SND1: variants seen among roughly 807,000 people sequenced by gnomAD.
SND1 encodes staphylococcal nuclease domain-containing protein 1.
Under a neutral mutation model 121.7 loss-of-function variants are expected in SND1, and 38 were observed. That is an observed-to-expected ratio of 0.31 (90% CI 0.24 to 0.41). The LOEUF is 0.41. Ranked by LOEUF, SND1 falls within the 10% of genes least tolerant of loss-of-function variation. SND1 has a pLI of 1.00. For synonymous variants in SND1, 401 were observed against 447.4 expected (o/e 0.90, Z 1.31); for missense variants, 868 against 1,184.6 (o/e 0.73, Z 3.92).
intron 16 of SND1, among the ~76,000 whole-genome samples, chr7:128,002,194 C>T (rs1037159098): frequency 3.9e-5 from 6 of 152,324 alleles, no homozygotes; most frequent in Middle Eastern, 3.4e-3. Flanking sequence ...AGTCAGTCAC[C>T]GCGCTGCTTT....
At chr7:127,842,130 A>T (rs887229626) in intron 11 of SND1, among the ~76,000 whole-genome samples, 3 of 152,178 alleles carry the variant, frequency 2.0e-5, no homozygotes, top group African/African-American at 7.2e-5. Context: ...GTTTGAAAGG[A>T]TTTTAACGGT....
chr7:128,081,036 G>A lies in SND1; in HGVS notation c.1969-324G>A, dbSNP rs1032454046. Among the ~76,000 whole-genome samples the A allele has an allele frequency of 5.7e-4, 86 of 151,260 alleles. 1 individual carries two copies. The highest frequency in any genetic ancestry group is 7.4e-5 in the Non-Finnish European group (5 of 67,896). Reference sequence around the variant, plus strand: ...TTTTGAGACGGAGTCTTGCACTGTCGCCCAGGCTGGAGTGCAGTGGCATGA... The same window carrying A: ...TTTTGAGACGGAGTCTTGCACTGTCACCCAGGCTGGAGTGCAGTGGCATGA... On this transcript the variant is annotated intron_variant, in intron 17 of 23. Coordinates refer to ENST00000354725, the MANE Select transcript of SND1 (RefSeq NM_014390.4).
chr7:127,999,646 G>A (rs1289908955), intron 16 of SND1: 1 of 152,166 alleles, frequency 6.6e-6, no homozygotes, highest in Admixed American at 6.5e-5. Flanking sequence ...TGGATGATGA[G>A]GATAGTGGGC....
intron 15 of SND1, among the ~76,000 whole-genome samples, chr7:127,929,862 T>A (rs1036096802): frequency 4.6e-5 from 7 of 152,188 alleles, no homozygotes; most frequent in African/African-American, 1.7e-4. Context: ...GTATTTCTTG[T>A]TGTGCTAAGG....
In SND1 at chr7:128,085,802, G is replaced by T; in HGVS notation, c.2304+22G>T. The T allele has an allele frequency of 6.2e-7, 1 of 1,603,880 alleles. No individual in the cohort carries two copies. The highest frequency in any genetic ancestry group is 2.2e-5 in the East Asian group (1 of 44,820). ...CAACGTGAGTGTTGGGGACCAGAGTGTTGGAGGGGCTATCAAACACAGCAG... is the reference window on the plus strand; with the variant it reads ...CAACGTGAGTGTTGGGGACCAGAGTTTTGGAGGGGCTATCAAACACAGCAG... On this transcript the variant is annotated intron_variant, in intron 20 of 23. Transcript: ENST00000354725. The surrounding 1 kb of genome is among the most constrained non-coding windows in gnomAD (Gnocchi z 4.4).
intron 16 of SND1, chr7:128,031,929 G>A (rs528569657): frequency 6.6e-6 from 1 of 151,254 alleles, no homozygotes; most frequent in South Asian, 2.1e-4. Flanking sequence ...TCGCGGCTGC[G>A]GGAAACGCTC....
intron 15 of SND1, among the ~76,000 whole-genome samples, chr7:127,972,814 A>G (rs1488505442): frequency 1.3e-5 from 2 of 151,668 alleles, no homozygotes; most frequent in African/African-American, 4.9e-5. Context: ...TCTTGACCTC[A>G]AGAGATCCAC....
intron 12 of SND1, among the ~76,000 whole-genome samples, chr7:127,858,991 C>T (rs898633806): frequency 4.6e-5 from 7 of 152,174 alleles, no homozygotes; most frequent in African/African-American, 1.7e-4. Context: ...GTGAAAATGA[C>T]TCTCTGGGGC....
chr7:127,980,956 A>G (rs1216878938), intron 15 of SND1, among the ~76,000 whole-genome samples: 1 of 152,220 alleles, frequency 6.6e-6, no homozygotes, highest in African/African-American at 2.4e-5. Flanking sequence ...GGTGCCAAAA[A>G]TCAAAAGGGA....
chr7:127,702,995 A>G (rs1008905127), intron 6 of SND1, among the ~76,000 whole-genome samples, 170 bp from the exon 7 acceptor site: 3 of 152,142 alleles, frequency 2.0e-5, no homozygotes, highest in African/African-American at 7.2e-5. Flanking sequence ...TGAGATGATG[A>G]TATTTCCAGT....
intron 11 of SND1, among the ~76,000 whole-genome samples, chr7:127,816,273 C>T (rs1798439146): frequency 6.6e-6 from 1 of 152,176 alleles, no homozygotes; most frequent in African/African-American, 2.4e-5. Flanking sequence ...GTGAGCCGTG[C>T]TCATCCCATT....
chr7:128,036,938 G>A (rs576539131), intron 16 of SND1, among the ~76,000 whole-genome samples: 1 of 152,282 alleles, frequency 6.6e-6, no homozygotes, highest in Non-Finnish European at 1.5e-5. Context: ...TTACTGCAGC[G>A]TTGATAGGTA....
chr7:127,969,521 C>G (rs1270345521), intron 15 of SND1, among the ~76,000 whole-genome samples: 3 of 152,112 alleles, frequency 2.0e-5, no homozygotes, highest in Non-Finnish European at 2.9e-5. Context: ...GTCAGGAGAT[C>G]GAGACCAGCC....
intron 12 of SND1, among the ~76,000 whole-genome samples, chr7:127,850,837 T>G (rs1270679881): frequency 1.3e-5 from 2 of 152,194 alleles, no homozygotes; most frequent in Non-Finnish European, 2.9e-5. Flanking sequence ...TTAACAATAC[T>G]TGAGAAAGAA....
chr7:128,085,572 G>A lies in SND1; in HGVS notation c.2235-139G>A. ...CAGTGGCCGAGGCTGGGCCTAGATGGAGTGCAGTTACTGTCCCCTGTGACA... is the reference window on the plus strand; with the variant it reads ...CAGTGGCCGAGGCTGGGCCTAGATGAAGTGCAGTTACTGTCCCCTGTGACA... On this transcript the variant is annotated intron_variant, in intron 19 of 23. Coordinates refer to ENST00000354725, the MANE Select transcript of SND1 (RefSeq NM_014390.4). The surrounding 1 kb of genome is among the most constrained non-coding windows in gnomAD (Gnocchi z 4.4). The A allele has an allele frequency of 1.4e-6, 1 of 718,966 alleles. No individual in the cohort carries two copies. Among genetic ancestry groups the A allele is most frequent in the Non-Finnish European group, 2.5e-6 (1 of 407,628 alleles). 44.5% of individuals were successfully genotyped at this position (718,966 alleles called of 1,614,324 possible).
At chr7:127,772,055 A>G (rs1375077184) in intron 10 of SND1, among the ~76,000 whole-genome samples, 1 of 152,216 alleles carries the variant, frequency 6.6e-6, no homozygotes, top group African/African-American at 2.4e-5. Flanking sequence ...ATTTAAATGC[A>G]TCGGTAGCAT....
chr7:127,880,797 A>G (rs1280536143), intron 12 of SND1, among the ~76,000 whole-genome samples: 2 of 151,778 alleles, frequency 1.3e-5, no homozygotes, highest in African/African-American at 4.8e-5. Flanking sequence ...AGAACGTGAT[A>G]CCCCACAGGG....
intron 12 of SND1, among the ~76,000 whole-genome samples, chr7:127,871,325 A>G (rs780077606): frequency 6.6e-6 from 1 of 152,160 alleles, no homozygotes; most frequent in Non-Finnish European, 1.5e-5. Context: ...GTTATCCATT[A>G]CCATTACTGC....
chr7:128,080,691 C>T (rs1414530235), intron 17 of SND1, among the ~76,000 whole-genome samples: 1 of 152,204 alleles, frequency 6.6e-6, no homozygotes, highest in Non-Finnish European at 1.5e-5. Flanking sequence ...GCAGGGCTCT[C>T]ACACTCGGAC....
Sources: allele counts gnomAD v4.1 joint callset (sites outside exome capture counted in the v4.1 genomes callset), GRCh38; gene constraint gnomAD v4.1.1; non-coding constraint Gnocchi (gnomAD v3.1); transcripts MANE v1.5; gene names NCBI Gene and HGNC (gene_info 2026-07-23, HGNC 2026-07-21).